The following C9orf43 variants were observed in gnomAD, a reference collection of about 807,000 sequenced individuals.
C9orf43 encodes the protein chromosome 9 open reading frame 43.
In C9orf43, 45 loss-of-function variants were observed where a neutral mutation model predicts 59.1. That is an observed-to-expected ratio of 0.76 (90% CI 0.60 to 0.98). The LOEUF is 0.98. Ranked by LOEUF, C9orf43 falls within the 50% of genes least tolerant of loss-of-function variation. The pLI, the probability that C9orf43 is intolerant of heterozygous loss-of-function variation, is 0.00. For synonymous variants in C9orf43, 203 were observed against 196.8 expected (o/e 1.03, Z -0.26); for missense variants, 533 against 554.9 (o/e 0.96, Z 0.40).
chr9:113,413,973 C>T, intron 3 of C9orf43, 79 bp downstream of exon 3: 1 of 1,441,038 alleles, frequency 6.9e-7, no homozygotes, highest in Middle Eastern at 2.4e-4. Flanking sequence ...CATTAGTATA[C>T]TTTGAGAAAG....
Position 113,410,849 on chromosome 9 carries a change from T to C in C9orf43, c.-202T>C, listed in dbSNP as rs1564393966. ...TTTAGCAACCCTAAGCGGTTTGGAA[T>C]CTGCTTTGCTCTCACAGGACCTCAG... On this transcript the variant is annotated 5_prime_UTR_variant, in exon 1 of 14. Transcript: ENST00000374165. 1.4e-6 allele frequency: 1 copy of C among 736,016 alleles called. No individual in the cohort carries two copies. Among genetic ancestry groups the C allele is most frequent in the Non-Finnish European group, 1.7e-6 (1 of 600,672 alleles). 45.6% of individuals were successfully genotyped at this position (736,016 alleles called of 1,614,324 possible). A position where few individuals can be genotyped will look rare whatever the true frequency, so the allele number is the denominator to read the frequency against.
At chr9:113,422,650 T>A in intron 6 of C9orf43, 65 bp downstream of exon 6, 4 of 1,582,968 alleles carry the variant, frequency 2.5e-6, no homozygotes, top group Non-Finnish European at 3.5e-6. Flanking sequence ...TTGTTTTCCT[T>A]TCAGGTCTCC....
At chr9:113,425,590 AG>A in intron 10 of C9orf43, 52 bp from the exon 11 acceptor site, 1 of 1,577,454 alleles carries the variant, frequency 6.3e-7, no homozygotes, top group East Asian at 2.2e-5. Context: ...TTTTGAAAAA[AG>A]TTTTCTTTAC....
At chr9:113,427,341 A>G (rs1828827944) in intron 11 of C9orf43, among the ~76,000 whole-genome samples, 2 of 152,078 alleles carry the variant, frequency 1.3e-5, no homozygotes, top group Admixed American at 1.3e-4. Context: ...ACGCCTGGCT[A>G]AGATTTTGTA....
Position 113,429,492 on chromosome 9 carries a change from G to A in C9orf43, c.*106G>A, listed in dbSNP as rs1828913968. 1 of 891,536 alleles carries A rather than the reference G, an allele frequency of 1.1e-6. No homozygotes were observed. Among genetic ancestry groups the A allele is most frequent in the South Asian group, 1.6e-5 (1 of 61,460 alleles). 55.2% of individuals were successfully genotyped at this position (891,536 alleles called of 1,614,324 possible). A position where few individuals can be genotyped will look rare whatever the true frequency, so the allele number is the denominator to read the frequency against. ...GCAACGTTTCACATAAGGGCAAGAG[G>A]AGAGGGGCTTCTGCTCTCTGGAGCC... On this transcript the variant is annotated 3_prime_UTR_variant, in exon 14 of 14. Transcript: ENST00000374165.
At chr9:113,413,309 A>G (rs1564397312) in intron 1 of C9orf43, 136 bp from the exon 2 acceptor site, 13 of 750,526 alleles carry the variant, frequency 1.7e-5, no homozygotes, top group Non-Finnish European at 2.3e-5. Context: ...TTGTTATCCA[A>G]TCTTTAATTA....
chr9:113,421,174 G>T lies in C9orf43; in HGVS notation c.417G>T (p.Trp139Cys). Residue 139 changes from tryptophan (W) to cysteine (C), a missense_variant, in exon 5 of 14, where the codon TGG becomes TGT. Transcript: ENST00000374165. ...ATGTTAGAAATATGGTTGTATTGTG[G>T]ATCCCAGAAGAAACAGAGATACATG... Reference protein sequence around the residue: ...PEDVRNMVVLWIPEETEIHVS... With the variant: ...PEDVRNMVVLCIPEETEIHVS... 1.2e-6 allele frequency: 2 copies of T among 1,613,300 alleles called. No individual in the cohort carries two copies. The highest frequency in any genetic ancestry group is 3.3e-5 in the Admixed American group (2 of 59,990).
chr9:113,421,375 G>A (rs1828565476), intron 5 of C9orf43, among the ~76,000 whole-genome samples, 172 bp downstream of exon 5: 1 of 151,870 alleles, frequency 6.6e-6, no homozygotes, highest in African/African-American at 2.4e-5. Context: ...GAATTTTAAT[G>A]TAATGCATTT....
intron 3 of C9orf43, 121 bp from the exon 4 acceptor site, chr9:113,418,987 T>C (rs975681858): frequency 2.8e-6 from 2 of 714,648 alleles, no homozygotes; most frequent in Non-Finnish European, 4.6e-6. Context: ...CTACATTCAT[T>C]TGGTAAGCAT....
chr9:113,412,933 C>T (rs1828223496), intron 1 of C9orf43, among the ~76,000 whole-genome samples: 1 of 152,236 alleles, frequency 6.6e-6, no homozygotes, highest in Non-Finnish European at 1.5e-5. Flanking sequence ...GGAACTGAAG[C>T]ACATTGAAAA....
In C9orf43 at chr9:113,428,244, C is replaced by G. The variant is rs558236076; in HGVS notation, c.1107+21C>G. 273 of 1,606,832 alleles carry G rather than the reference C, an allele frequency of 1.7e-4. 1 individual carries two copies. In the South Asian group the frequency reaches 2.7e-3, roughly 16 times the overall value. The stretch of plus-strand genomic sequence containing the variant: ...AACAGGTGAGAGTGTACCAAGGCCT[C>G]TGCTAGGACCCAGTTTCAGTTATCT... On this transcript the variant is annotated intron_variant, in intron 12 of 13. Coordinates refer to ENST00000374165, the MANE Select transcript of C9orf43 (RefSeq NM_001278629.2).
rs577430418 is a variant in C9orf43 at position 113,428,933 on chromosome 9, G to A, written c.1141G>A (p.Asp381Asn). ...STERPKMNYY[D>N]HADFHHSVKS... ...GGAGAGACCAAAGATGAACTACTAT[G>A]ACCATGCGGATTTCCACCACAGTGT... The change falls in exon 13 of 14, where the codon GAC becomes AAC. Residue 381 changes from aspartate to asparagine, a missense_variant. Coordinates refer to ENST00000374165, the MANE Select transcript of C9orf43 (RefSeq NM_001278629.2). 3.5e-5 allele frequency: 57 copies of A among 1,613,914 alleles called. No individual in the cohort carries two copies. The South Asian group carries it at 5.7e-4, about 16-fold the overall frequency.
intron 9 of C9orf43, 70 bp downstream of exon 9, chr9:113,425,146 G>A (rs561322739): frequency 1.5e-5 from 23 of 1,522,342 alleles, no homozygotes; most frequent in Non-Finnish European, 1.9e-5. Context: ...ATACTTTAAC[G>A]TGGTCCAATT....
At chr9:113,423,930 T>A (rs563901985) in intron 7 of C9orf43, among the ~76,000 whole-genome samples, 2 of 152,334 alleles carry the variant, frequency 1.3e-5, no homozygotes, top group South Asian at 4.1e-4. Flanking sequence ...GGGAGTAATA[T>A]CTGTTCTCAG....
intron 10 of C9orf43, 78 bp downstream of exon 10, chr9:113,425,498 G>C: frequency 6.6e-7 from 1 of 1,522,728 alleles, no homozygotes; most frequent in African/African-American, 1.4e-5. Context: ...TGAAAGGTGG[G>C]GGTCTCCTTG....
chr9:113,421,053 T>C (rs760139627), intron 4 of C9orf43, 50 bp from the exon 5 acceptor site: 1 of 1,390,260 alleles, frequency 7.2e-7, no homozygotes, highest in South Asian at 1.2e-5. Flanking sequence ...TAATCTGATA[T>C]AGGAGCTTAG....
Position 113,429,480 on chromosome 9 carries a change from T to A in C9orf43, c.*94T>A. ...ATCCTGAGGGCAGCAACGTTTCACA[T>A]AAGGGCAAGAGGAGAGGGGCTTCTG... On this transcript the variant is annotated 3_prime_UTR_variant, in exon 14 of 14. Coordinates refer to ENST00000374165, the MANE Select transcript of C9orf43 (RefSeq NM_001278629.2). The A allele has an allele frequency of 9.5e-7, 1 of 1,054,378 alleles. No homozygotes were observed. The highest frequency in any genetic ancestry group is 2.1e-5 in the Admixed American group (1 of 47,150). The allele number at this position is 1,054,378 out of a possible 1,614,324, so 65.3% of individuals were successfully genotyped here.
rs767080167 is a variant in C9orf43 at position 113,425,711 on chromosome 9, C to T, written c.1011C>T (p.Thr337=). 30 of 1,613,456 alleles carry T rather than the reference C, an allele frequency of 1.9e-5. No individual in the cohort carries two copies. Among genetic ancestry groups the T allele is most frequent in the East Asian group, 6.7e-5 (3 of 44,862 alleles). The change falls in exon 11 of 14, where the codon ACC becomes ACT. Residue 337 remains threonine, a synonymous_variant. Transcript: ENST00000374165. ...CTTCACATAAACATCCAGTTACCACCGTTCATGACCGTCTCTATGGTAAGG... is the reference window on the plus strand; with the variant it reads ...CTTCACATAAACATCCAGTTACCACTGTTCATGACCGTCTCTATGGTAAGG... ...QSTSHKHPVT[T]VHDRLYGYRT... is the part of the protein sequence containing the mutation.
intron 7 of C9orf43, among the ~76,000 whole-genome samples, 175 bp downstream of exon 7, chr9:113,423,673 A>G (rs557852272): frequency 1.3e-5 from 2 of 152,156 alleles, no homozygotes; most frequent in Admixed American, 1.3e-4. Context: ...AACCACCACC[A>G]TTTGTCACAC....
Sources: gnomAD v4.1 joint callset for allele counts (sites outside exome capture counted in the v4.1 genomes callset) on GRCh38, gnomAD v4.1.1 for gene constraint, MANE v1.5 for transcripts, NCBI Gene and HGNC (gene_info 2026-07-23, HGNC 2026-07-21) for gene names.